The following LARP1 variants were observed in gnomAD, a reference collection of about 807,000 sequenced individuals.
LARP1 encodes the protein la-related protein 1.
A neutral mutation model predicts 122.7 loss-of-function variants in LARP1; 36 were observed. That is an observed-to-expected ratio of 0.29 (90% CI 0.22 to 0.39). The LOEUF is 0.39. LARP1 is among the 10% of genes least tolerant of loss of function. The pLI, the probability that LARP1 is intolerant of heterozygous loss-of-function variation, is 1.00. For missense variants in LARP1, 1,040 were observed against 1,403.6 expected (o/e 0.74, Z 4.14); for synonymous variants, 539 against 528.7 (o/e 1.02, Z -0.27).
rs200552155 is a variant in LARP1, at chr5:154,712,912, G to A, written c.-14G>A. On this transcript the variant is annotated 5_prime_UTR_variant, in exon 1 of 19. Coordinates refer to the LARP1 transcript ENST00000336314. ...CTCCAGGGCCACATAGTGACCCCAG[G>A]CCCTGGTCACTCCATGCTTTGGAGG... is the stretch of plus-strand genomic sequence containing the variant. 11 of 1,611,826 alleles carry A rather than the reference G, an allele frequency of 6.8e-6. No homozygotes were observed. The East Asian group carries it at 1.1e-4, about 16-fold the overall frequency.
At chr5:154,695,013 G>GT (rs1343141826) in intron 1 of LARP1, among the ~76,000 whole-genome samples, 2 of 148,252 alleles carry the variant, frequency 1.3e-5, no homozygotes, top group African/African-American at 4.9e-5. Flanking sequence ...AAAATAAAAA[G>GT]TTTTTTAAAA....
chr5:154,785,820 C>A (rs943857632), intron 1 of LARP1, among the ~76,000 whole-genome samples: 2 of 152,178 alleles, frequency 1.3e-5, no homozygotes, highest in African/African-American at 4.8e-5. Flanking sequence ...AGTAATTCCT[C>A]TCTGCCCTGC....
Position 154,755,531 on chromosome 5 carries a change from A to G in LARP1, c.-227A>G. On this transcript the variant is annotated 5_prime_UTR_variant, in exon 1 of 19. Coordinates refer to ENST00000518297, the MANE Select transcript of LARP1 (RefSeq NM_033551.3). ...CGCACGCCTAGGAGGCCTGGACTGC[A>G]GAGTGGGGGGCCTTCCTCCCCCCCC... is the stretch of plus-strand genomic sequence containing the variant. 1.0e-6 allele frequency: 1 copy of G among 985,706 alleles called. No individual in the cohort carries two copies. The highest frequency in any genetic ancestry group is 4.7e-5 in the South Asian group (1 of 21,344). The allele number at this position is 985,706 out of a possible 1,614,324, so 61.1% of individuals were successfully genotyped here. A position where few individuals can be genotyped will look rare whatever the true frequency, so the allele number is the denominator to read the frequency against.
chr5:154,786,611 T>C, intron 1 of LARP1: 1 of 391,322 alleles, frequency 2.6e-6, no homozygotes, highest in Non-Finnish European at 5.2e-6. Flanking sequence ...CATCAGTAAC[T>C]GTTTACTCAG....
intron 1 of LARP1, among the ~76,000 whole-genome samples, chr5:154,777,487 C>T (rs1439470658): frequency 6.6e-6 from 1 of 152,158 alleles, no homozygotes; most frequent in South Asian, 2.1e-4. Flanking sequence ...CGCCACTGCA[C>T]TCCAGCCTGG....
chr5:154,696,573 T>A (rs1457221679), intron 1 of LARP1, among the ~76,000 whole-genome samples: 1 of 152,220 alleles, frequency 6.6e-6, no homozygotes, highest in Non-Finnish European at 1.5e-5. Context: ...ACAGTGATCC[T>A]ATAAGGTAAA....
At chr5:154,718,991 G>T (rs2113336642) in intron 1 of LARP1, among the ~76,000 whole-genome samples, 2 of 152,294 alleles carry the variant, frequency 1.3e-5, no homozygotes, top group East Asian at 3.9e-4. Context: ...CCAGAAGCAG[G>T]GTCTCTCTTG....
chr5:154,730,997 G>T (rs1010583456), intron 1 of LARP1, among the ~76,000 whole-genome samples: 19 of 144,612 alleles, frequency 1.3e-4, no homozygotes, highest in Non-Finnish European at 2.4e-4. Flanking sequence ...GCTAATTTTT[G>T]TATTTTTAGT....
At chr5:154,718,944 G>C (rs1482215479) in intron 1 of LARP1, among the ~76,000 whole-genome samples, 2 of 152,188 alleles carry the variant, frequency 1.3e-5, no homozygotes, top group East Asian at 3.9e-4. Flanking sequence ...GTGATGACTT[G>C]CCCAAAGTCA....
intron 16 of LARP1, among the ~76,000 whole-genome samples, chr5:154,809,317 TAAA>T (rs78404073): frequency 1.4e-5 from 2 of 137,944 alleles, no homozygotes; most frequent in African/African-American, 2.7e-5. Flanking sequence ...CTGTTTCTAT[TAAA>T]AAAAAAAAAA....
upstream of LARP1, among the ~76,000 whole-genome samples, chr5:154,708,793 TAG>T (rs1755074100): frequency 6.6e-6 from 1 of 152,140 alleles, no homozygotes; most frequent in Middle Eastern, 3.2e-3. Flanking sequence ...GTATTTTTAA[TAG>T]AGACGGGGCT....
At chr5:154,806,479 T>C (rs1758794842) in intron 15 of LARP1, among the ~76,000 whole-genome samples, 1 of 152,224 alleles carries the variant, frequency 6.6e-6, no homozygotes, top group African/African-American at 2.4e-5. Context: ...TTTTACATTT[T>C]TAAGGGGTTG....
At chr5:154,741,980 G>C (rs1366551681) in intron 1 of LARP1, among the ~76,000 whole-genome samples, 2 of 152,096 alleles carry the variant, frequency 1.3e-5, no homozygotes, top group Non-Finnish European at 2.9e-5. Flanking sequence ...TTCACATTAG[G>C]TAATTAGGCC....
At chr5:154,806,925 C>T (rs751393032) in intron 15 of LARP1, among the ~76,000 whole-genome samples, 89 of 152,152 alleles carry the variant, frequency 5.8e-4, no homozygotes, top group Non-Finnish European at 1.6e-4. Context: ...TTTTCATTAC[C>T]CCCAAAATGC....
intron 1 of LARP1, among the ~76,000 whole-genome samples, chr5:154,737,436 CTTTTTTTTTTTTTTT>C (rs10526758): frequency 1.0e-5 from 1 of 95,304 alleles, no homozygotes; most frequent in East Asian, 3.5e-4. Flanking sequence ...GAATTTTTCT[CTTTTTTTTTTTTTTT>C]TTTTTTTTGA....
chr5:154,810,415 G>A (rs1484698108), intron 16 of LARP1, among the ~76,000 whole-genome samples: 1 of 151,254 alleles, frequency 6.6e-6, no homozygotes, highest in African/African-American at 2.4e-5. Flanking sequence ...CAGCCTGGGT[G>A]ACTGAGCGAG....
At chr5:154,738,555 G>A (rs1452538844) in intron 1 of LARP1, among the ~76,000 whole-genome samples, 1 of 152,030 alleles carries the variant, frequency 6.6e-6, no homozygotes, top group Non-Finnish European at 1.5e-5. Context: ...TCGGGCCACC[G>A]CACTCCAGAC....
At chr5:154,799,848 A>T in intron 9 of LARP1, 25 bp from the exon 10 acceptor site, 3 of 1,612,174 alleles carry the variant, frequency 1.9e-6, no homozygotes, top group Non-Finnish European at 2.5e-6. Flanking sequence ...TGGAGGGATG[A>T]GGACTTCCCC....
At chr5:154,797,565 G>A (rs1038029557) in intron 8 of LARP1, among the ~76,000 whole-genome samples, 7 of 151,736 alleles carry the variant, frequency 4.6e-5, no homozygotes, top group East Asian at 1.9e-4. Context: ...GGGTCTTTAC[G>A]TAGACTTGTG....
Sources: gnomAD v4.1 joint callset for allele counts (sites outside exome capture counted in the v4.1 genomes callset) on GRCh38, gnomAD v4.1.1 for gene constraint, MANE v1.5 for transcripts, NCBI Gene and HGNC (gene_info 2026-07-23, HGNC 2026-07-21) for gene names.